PGBD2: variants seen among roughly 807,000 people sequenced by gnomAD.
PGBD2 encodes the protein piggyBac transposable element derived 2, also known as piggyBac transposable element-derived protein 2.
Under a neutral mutation model 8.1 loss-of-function variants are expected in PGBD2, and 6 were observed. That is an observed-to-expected ratio of 0.74 (90% confidence interval 0.40 to 1.46). The LOEUF is 1.46. PGBD2 is among the 40% of genes most tolerant of loss of function. PGBD2 has a pLI of 0.02. For synonymous variants in PGBD2, 318 were observed against 272.2 expected, an observed-to-expected ratio of 1.17 and a Z score of -1.66; for missense variants, 802 against 739.0, an observed-to-expected ratio of 1.09 and a Z score of -0.99.
chr1:248,919,372 A>T (rs1434693726), downstream of PGBD2: 1 of 166,578 alleles, frequency 6.0e-6, no homozygotes, highest in Non-Finnish European at 1.5e-5. Context: ...ATTTCACTTA[A>T]CATAATGACC....
intron 2 of PGBD2, among the ~76,000 whole-genome samples, chr1:248,915,844 A>G (rs1038661034): frequency 2.6e-5 from 4 of 152,214 alleles, no homozygotes; most frequent in African/African-American, 9.6e-5. Flanking sequence ...GAATGAGGGA[A>G]ACTTCTATTT....
In PGBD2 at chr1:248,918,280, T is replaced by C; in HGVS notation, c.1696T>C (p.Cys566Arg). 6.2e-7 allele frequency: 1 copy of C among 1,607,890 alleles called. No individual in the cohort carries two copies. Among genetic ancestry groups the C allele is most frequent in the Non-Finnish European group, 8.5e-7 (1 of 1,176,660 alleles). The change falls in exon 3 of 3, where the codon TGC becomes CGC. Residue 566 changes from cysteine (C) to arginine (R), a missense_variant. Transcript: ENST00000329291. ...HQDKRTRCAL[C>R]HSQTNTRCEK... Reference sequence around the variant, plus strand: ...GGACAAGAGGACCCGGTGTGCCCTCTGCCACTCACAGACCAACACCCGGTG... The same window carrying C: ...GGACAAGAGGACCCGGTGTGCCCTCCGCCACTCACAGACCAACACCCGGTG...
chr1:248,873,971 A>T, the PGBD2 span, among the ~76,000 whole-genome samples: 1 of 152,054 alleles, frequency 6.6e-6, no homozygotes, highest in Non-Finnish European at 1.5e-5. Flanking sequence ...CATTCGTTTT[A>T]TTAGCATTTT....
the PGBD2 span, among the ~76,000 whole-genome samples, chr1:248,889,521 G>A: frequency 1.3e-5 from 2 of 152,108 alleles, no homozygotes; most frequent in South Asian, 2.1e-4. Flanking sequence ...CAGGAGCACC[G>A]TCATCTCAAA....
chr1:248,884,962 C>A, the PGBD2 span, among the ~76,000 whole-genome samples: 1 of 151,948 alleles, frequency 6.6e-6, no homozygotes, highest in Non-Finnish European at 1.5e-5. Context: ...TCAGATGAAT[C>A]CTGGTCAGTT....
chr1:248,881,353 C>T, the PGBD2 span, among the ~76,000 whole-genome samples: 4 of 152,082 alleles, frequency 2.6e-5, no homozygotes, highest in Admixed American at 6.6e-5. Context: ...CATCACGGTC[C>T]CAAGTTTTTC....
At chr1:248,927,804 A>G in the PGBD2 span, among the ~76,000 whole-genome samples, 1 of 152,236 alleles carries the variant, frequency 6.6e-6, no homozygotes, top group Non-Finnish European at 1.5e-5. Context: ...AGAGAAAGGT[A>G]GAAAAAATAC....
At chr1:248,912,692 A>G (rs1185750785) in intron 1 of PGBD2, 1 of 152,086 alleles carries the variant, frequency 6.6e-6, no homozygotes, top group Non-Finnish European at 1.5e-5. Flanking sequence ...ATTTTTTTTT[A>G]AATATGGAAC....
chr1:248,911,884 G>A lies in PGBD2; in HGVS notation c.-47-1932G>A, dbSNP rs1222909581. Reference sequence around the variant, plus strand: ...CTGGGTGCAGCAGGGAGACAGAGAAGGATATGACACCAGGTGGGAGAGTTA... The same window carrying A: ...CTGGGTGCAGCAGGGAGACAGAGAAAGATATGACACCAGGTGGGAGAGTTA... On this transcript the variant is annotated intron_variant, in intron 1 of 2. Transcript: ENST00000329291. 2.0e-5 allele frequency among the ~76,000 whole-genome samples: 3 copies of A among 152,026 alleles called. No homozygotes were observed. The East Asian group carries it at 5.8e-4, about 29-fold the overall frequency.
the PGBD2 span, among the ~76,000 whole-genome samples, chr1:248,874,274 C>T: frequency 1.2e-4 from 18 of 152,230 alleles, no homozygotes; most frequent in East Asian, 7.7e-4. Flanking sequence ...GGTTAGGATT[C>T]GGCGCTCTCA....
the PGBD2 span, among the ~76,000 whole-genome samples, chr1:248,883,391 G>T: frequency 1.3e-5 from 2 of 151,780 alleles, no homozygotes; most frequent in African/African-American, 4.8e-5. Context: ...CAAAGTGCTG[G>T]GATTACAGGT....
chr1:248,882,186 C>G, the PGBD2 span, among the ~76,000 whole-genome samples: 1 of 152,078 alleles, frequency 6.6e-6, no homozygotes, highest in Non-Finnish European at 1.5e-5. Context: ...GCCTTCTGGT[C>G]CCACGGAGCC....
the PGBD2 span, among the ~76,000 whole-genome samples, chr1:248,888,273 C>A: frequency 3.3e-5 from 5 of 152,094 alleles, no homozygotes; most frequent in Non-Finnish European, 4.4e-5. Context: ...TGAATATATA[C>A]CCAGTAATGG....
At chr1:248,921,756 C>G (rs1404157039), downstream of PGBD2, among the ~76,000 whole-genome samples, 1 of 152,190 alleles carries the variant, frequency 6.6e-6, no homozygotes, top group Non-Finnish European at 1.5e-5. Flanking sequence ...ATTGATTCTT[C>G]CTATCCATGA....
the PGBD2 span, among the ~76,000 whole-genome samples, chr1:248,882,537 G>A: frequency 6.6e-6 from 1 of 152,170 alleles, no homozygotes; most frequent in African/African-American, 2.4e-5. Flanking sequence ...GGTTAGACCA[G>A]AAATTCTCAG....
intron 2 of PGBD2, among the ~76,000 whole-genome samples, chr1:248,915,473 T>A (rs563070762): frequency 6.6e-6 from 1 of 152,352 alleles, no homozygotes; most frequent in African/African-American, 2.4e-5. Flanking sequence ...TTCCCAACCA[T>A]AGGCTAATGT....
At chr1:248,883,197 C>A in the PGBD2 span, among the ~76,000 whole-genome samples, 1 of 151,542 alleles carries the variant, frequency 6.6e-6, no homozygotes, top group African/African-American at 2.4e-5. Flanking sequence ...GATCTCGGCT[C>A]ACCACAACCT....
downstream of PGBD2, among the ~76,000 whole-genome samples, chr1:248,924,528 G>C (rs1179722123): frequency 6.6e-6 from 1 of 152,026 alleles, no homozygotes; most frequent in East Asian, 1.9e-4. Flanking sequence ...CTAAAAGATA[G>C]AAAAAAGTGA....
At chr1:248,929,209 GT>G in the PGBD2 span, among the ~76,000 whole-genome samples, 1 of 151,552 alleles carries the variant, frequency 6.6e-6, no homozygotes, top group Non-Finnish European at 1.5e-5. Context: ...GTTTCTGTCT[GT>G]TTTTTTTCAG....
Sources: gnomAD v4.1 joint callset for allele counts (sites outside exome capture counted in the v4.1 genomes callset) on GRCh38, gnomAD v4.1.1 for gene constraint, MANE v1.5 for transcripts, NCBI Gene and HGNC (gene_info 2026-07-23, HGNC 2026-07-21) for gene names.